Variants in STARD13 observed in about 807,000 individuals in gnomAD.
STARD13 encodes StAR related lipid transfer domain containing 13.
Under a neutral mutation model 106.4 loss-of-function variants are expected in STARD13, and 62 were observed. That is an observed-to-expected ratio of 0.58 (90% CI 0.48 to 0.72). The LOEUF is 0.72. STARD13 is among the 30% of genes least tolerant of loss of function. The pLI is 0.00. For synonymous variants in STARD13, 565 were observed against 553.0 expected, an observed-to-expected ratio of 1.02 and a Z score of -0.31; for missense variants, 1,387 against 1,424.0, an observed-to-expected ratio of 0.97 and a Z score of 0.42.
At chr13:33,608,427 T>A in the STARD13 span, among the ~76,000 whole-genome samples, 1 of 151,416 alleles carries the variant, frequency 6.6e-6, no homozygotes, top group Non-Finnish European at 1.5e-5. Context: ...GCCAAGAAAA[T>A]CTAGAAGAAA....
chr13:33,558,158 A>G, the STARD13 span, among the ~76,000 whole-genome samples: 1 of 152,212 alleles, frequency 6.6e-6, no homozygotes, highest in Non-Finnish European at 1.5e-5. Flanking sequence ...TAGTTTCCAA[A>G]TTCTCCCAAG....
At chr13:33,245,308 A>G (rs1889767541) in intron 1 of STARD13, among the ~76,000 whole-genome samples, 1 of 152,216 alleles carries the variant, frequency 6.6e-6, no homozygotes, top group South Asian at 2.1e-4. Context: ...AGTAAACAGA[A>G]AAAAGACAAG....
At chr13:33,474,611 A>G in the STARD13 span, among the ~76,000 whole-genome samples, 7 of 152,236 alleles carry the variant, frequency 4.6e-5, no homozygotes, top group African/African-American at 1.7e-4. Flanking sequence ...AGCTGGCTTT[A>G]AAATTATTGA....
At chr13:33,652,599 C>T in the STARD13 span, among the ~76,000 whole-genome samples, 53 of 152,268 alleles carry the variant, frequency 3.5e-4, 1 homozygote, top group South Asian at 0.01. Flanking sequence ...TTATTGTCTT[C>T]AAAGCCAATA....
At chr13:33,288,376 T>G (rs765612993), upstream of STARD13, among the ~76,000 whole-genome samples, 1 of 151,976 alleles carries the variant, frequency 6.6e-6, no homozygotes, top group Non-Finnish European at 1.5e-5. Flanking sequence ...GCTCAAGTGA[T>G]TCTCTTGCCT....
the STARD13 span, among the ~76,000 whole-genome samples, chr13:33,666,867 C>T: frequency 6.6e-6 from 1 of 152,218 alleles, no homozygotes; most frequent in African/African-American, 2.4e-5. Flanking sequence ...GCTGGGATTA[C>T]AGGCGGGAGC....
chr13:33,356,725 GCTA>G, the STARD13 span, among the ~76,000 whole-genome samples: 1 of 152,170 alleles, frequency 6.6e-6, no homozygotes, highest in Non-Finnish European at 1.5e-5. Context: ...TGTTGTTGTT[GCTA>G]CTATTTTGCC....
At chr13:33,499,579 C>CT in the STARD13 span, among the ~76,000 whole-genome samples, 5 of 69,574 alleles carry the variant, frequency 7.2e-5, no homozygotes, top group South Asian at 2.3e-3. Flanking sequence ...TCTTCTTCTT[C>CT]TTCTTCTTCT....
intron 1 of STARD13, among the ~76,000 whole-genome samples, chr13:33,328,594 A>T (rs1283313937): frequency 6.6e-6 from 1 of 152,186 alleles, no homozygotes; most frequent in Non-Finnish European, 1.5e-5. Context: ...GGTAAGAGGG[A>T]TGGGGTCATG....
intron 1 of STARD13, among the ~76,000 whole-genome samples, chr13:33,221,591 C>T (rs1888358853): frequency 6.6e-6 from 1 of 152,152 alleles, no homozygotes; most frequent in African/African-American, 2.4e-5. Context: ...AACTCAGCTC[C>T]TCCTTGGGTC....
At chr13:33,610,727 G>C in the STARD13 span, among the ~76,000 whole-genome samples, 1 of 152,244 alleles carries the variant, frequency 6.6e-6, no homozygotes, top group Admixed American at 6.5e-5. Flanking sequence ...TTGTTGGTTT[G>C]AGTTTTGTTG....
chr13:33,165,260 G>T (rs1343968638), intron 3 of STARD13, 77 bp downstream of exon 3: 1 of 1,105,276 alleles, frequency 9.0e-7, no homozygotes, highest in Non-Finnish European at 1.4e-6. Flanking sequence ...CCGAATAGCT[G>T]AGCTCGCCCT....
At chr13:33,117,433 C>G (rs1014213177) in intron 8 of STARD13, 4 of 201,354 alleles carry the variant, frequency 2.0e-5, no homozygotes, top group African/African-American at 4.7e-5. Flanking sequence ...TCTAATACCC[C>G]CATTGCAACC....
At chr13:33,607,299 C>CTT in the STARD13 span, among the ~76,000 whole-genome samples, 30 of 137,396 alleles carry the variant, frequency 2.2e-4, no homozygotes, top group East Asian at 2.5e-3. Context: ...ATCATTGTTT[C>CTT]TTTTTTTTTT....
At chr13:33,647,596 C>T in the STARD13 span, among the ~76,000 whole-genome samples, 1 of 152,220 alleles carries the variant, frequency 6.6e-6, no homozygotes, top group Admixed American at 6.5e-5. Context: ...CTAACAATGA[C>T]AGTCCCATTA....
the STARD13 span, among the ~76,000 whole-genome samples, chr13:33,667,423 T>C: frequency 6.6e-6 from 1 of 152,266 alleles, no homozygotes. Context: ...TACTTTGCTC[T>C]CTCAGAACTC....
upstream of STARD13, among the ~76,000 whole-genome samples, chr13:33,353,684 A>G (rs1242805949): frequency 2.0e-5 from 3 of 152,234 alleles, no homozygotes; most frequent in East Asian, 5.8e-4. Context: ...CAACAACAAT[A>G]CTATTATAAT....
intron 1 of STARD13, among the ~76,000 whole-genome samples, chr13:33,244,015 CTT>C (rs5802676): frequency 1.7e-3 from 243 of 140,990 alleles, no homozygotes; most frequent in Middle Eastern, 3.7e-3. Context: ...GATTCCGGCT[CTT>C]TTTTTTTTTT....
intron 1 of STARD13, among the ~76,000 whole-genome samples, chr13:33,270,177 G>A (rs538456713): frequency 8.8e-4 from 134 of 152,200 alleles, no homozygotes; most frequent in South Asian, 7.9e-3. Context: ...CAGAGGTTGC[G>A]GTGAGCTGAG....
Sources: allele counts gnomAD v4.1 joint callset (sites outside exome capture counted in the v4.1 genomes callset), GRCh38; gene constraint gnomAD v4.1.1; transcripts MANE v1.5; gene names NCBI Gene and HGNC (gene_info 2026-07-23, HGNC 2026-07-21).